Variants in CDKN2B-AS1 observed in about 807,000 individuals in gnomAD.
CDKN2B-AS1 encodes CDKN2B antisense RNA 1 (non-protein coding).
intron 1 of CDKN2B-AS1, among the ~76,000 whole-genome samples, chr9:22,010,825 A>C (rs1821460896): frequency 6.6e-6 from 1 of 152,200 alleles, no homozygotes; most frequent in South Asian, 2.1e-4. Context: ...CTTATCAGAA[A>C]AGTTAGGACA....
intron 4 of CDKN2B-AS1, among the ~76,000 whole-genome samples, chr9:22,126,801 T>C (rs1818030413): frequency 6.6e-6 from 1 of 152,178 alleles, no homozygotes; most frequent in Non-Finnish European, 1.5e-5. Flanking sequence ...CTGGATCTCC[T>C]GACCTCGTGA....
chr9:22,057,323 C>A (rs1823612426), intron 4 of CDKN2B-AS1, among the ~76,000 whole-genome samples: 1 of 152,024 alleles, frequency 6.6e-6, no homozygotes, highest in African/African-American at 2.4e-5. Flanking sequence ...ATTAGATACA[C>A]AAGTACATGT....
chr9:22,076,211 C>T (rs1176160476), intron 4 of CDKN2B-AS1, among the ~76,000 whole-genome samples: 3 of 152,022 alleles, frequency 2.0e-5, no homozygotes, highest in Non-Finnish European at 4.4e-5. Flanking sequence ...TGCCACCATG[C>T]CTATCTTAAT....
chr9:22,097,734 A>T (rs1825333097), intron 4 of CDKN2B-AS1, among the ~76,000 whole-genome samples: 1 of 152,228 alleles, frequency 6.6e-6, no homozygotes, highest in African/African-American at 2.4e-5. Context: ...AGCAGGTAGC[A>T]GGTAGTGCTA....
chr9:22,105,932 G>A (rs1023775042), intron 4 of CDKN2B-AS1, among the ~76,000 whole-genome samples: 1 of 152,132 alleles, frequency 6.6e-6, no homozygotes, highest in African/African-American at 2.4e-5. Flanking sequence ...AGTCAGTCTG[G>A]GAGACTCCAG....
chr9:22,116,796 G>A (rs1825961335), intron 4 of CDKN2B-AS1, among the ~76,000 whole-genome samples: 1 of 152,224 alleles, frequency 6.6e-6, no homozygotes, highest in African/African-American at 2.4e-5. Flanking sequence ...TCTAATGACA[G>A]TGAGATGTTA....
At chr9:22,070,203 A>T (rs1824233765) in intron 4 of CDKN2B-AS1, among the ~76,000 whole-genome samples, 1 of 152,190 alleles carries the variant, frequency 6.6e-6, no homozygotes, top group Non-Finnish European at 1.5e-5. Flanking sequence ...AGATGACAGA[A>T]CAGGAGTCAG....
chr9:22,078,936 A>G (rs1824593930), intron 4 of CDKN2B-AS1, among the ~76,000 whole-genome samples: 1 of 152,146 alleles, frequency 6.6e-6, no homozygotes, highest in African/African-American at 2.4e-5. Flanking sequence ...ACTAAACGGC[A>G]CTCACTTTTA....
Position 21,995,902 on chromosome 9 carries a change from T to C in CDKN2B-AS1, n.29+741T>C. ...TGGATCCGTCCTAAACCTCGCGGGC[T>C]GGACCCGCGGCCTGAGTGGGTGGGT... On this transcript the variant is annotated intron_variant and non_coding_transcript_variant, in intron 1 of 4. Coordinates refer to ENST00000650946, the Ensembl canonical transcript of CDKN2B-AS1. This position sits in a 1 kb window ranked among gnomAD's most constrained non-coding sequence, Gnocchi z 5.7. The C allele has an allele frequency of 6.6e-6, 1 of 152,566 alleles. No homozygotes were observed. The highest frequency in any genetic ancestry group is 1.5e-5 in the Non-Finnish European group (1 of 68,214). 9.5% of individuals were successfully genotyped at this position (152,566 alleles called of 1,614,324 possible).
At chr9:22,106,679 A>G (rs1173084424) in intron 4 of CDKN2B-AS1, among the ~76,000 whole-genome samples, 5 of 152,242 alleles carry the variant, frequency 3.3e-5, no homozygotes, top group Admixed American at 6.5e-5. Flanking sequence ...ATTATTGATG[A>G]ACCAGTAGTG....
At chr9:22,091,201 C>G (rs1401377084) in intron 4 of CDKN2B-AS1, among the ~76,000 whole-genome samples, 1 of 152,108 alleles carries the variant, frequency 6.6e-6, no homozygotes, top group Non-Finnish European at 1.5e-5. Context: ...TGTTTTGGTA[C>G]CAGTACCATG....
At chr9:22,029,796 T>C in intron 1 of CDKN2B-AS1, 1 of 292,582 alleles carries the variant, frequency 3.4e-6, no homozygotes, top group Non-Finnish European at 6.2e-6. Flanking sequence ...ATCACTAAGA[T>C]GTTAGTATTG....
chr9:22,054,762 T>G (rs1368470880), intron 3 of CDKN2B-AS1, among the ~76,000 whole-genome samples: 1 of 151,236 alleles, frequency 6.6e-6, no homozygotes, highest in African/African-American at 2.4e-5. Context: ...TTTTTATTTA[T>G]TTTACTTTAT....
chr9:22,096,204 A>G (rs1825270167), intron 4 of CDKN2B-AS1, among the ~76,000 whole-genome samples: 1 of 152,216 alleles, frequency 6.6e-6, no homozygotes, highest in Non-Finnish European at 1.5e-5. Context: ...GAATGTTGAG[A>G]GATGGAACTG....
At chr9:22,098,947 A>G (rs1825384183) in intron 4 of CDKN2B-AS1, among the ~76,000 whole-genome samples, 1 of 152,214 alleles carries the variant, frequency 6.6e-6, no homozygotes, top group African/African-American at 2.4e-5. Context: ...GTAATGCAAG[A>G]AAAATAAGAG....
At chr9:22,082,398 C>T (rs1824729947) in intron 4 of CDKN2B-AS1, among the ~76,000 whole-genome samples, 1 of 152,144 alleles carries the variant, frequency 6.6e-6, no homozygotes, top group Non-Finnish European at 1.5e-5. Context: ...AATGTTATTT[C>T]CTCCTTTTGT....
chr9:22,123,232 T>C lies in CDKN2B-AS1; in HGVS notation n.439-3871T>C, dbSNP rs72654299. Among the ~76,000 whole-genome samples the C allele has an allele frequency of 3.4e-3, 516 of 152,312 alleles. 1 individual carries two copies. The highest frequency in any genetic ancestry group is 0.014 in the Middle Eastern group (4 of 294). On this transcript the variant is annotated intron_variant and non_coding_transcript_variant, in intron 4 of 4. Transcript: ENST00000650946. ...TTCTGCAACTTTACAGAATTTGTTA[T>C]TAGCTCTGAGTTTTTTGGTAGAGTC... is the stretch of plus-strand genomic sequence containing the variant.
intron 4 of CDKN2B-AS1, among the ~76,000 whole-genome samples, chr9:22,108,628 C>G (rs1825722271): frequency 6.6e-6 from 1 of 152,142 alleles, no homozygotes; most frequent in African/African-American, 2.4e-5. Flanking sequence ...TAGAAAAATA[C>G]TTGGTGTACA....
At chr9:22,011,262 C>T (rs1486734664) in intron 1 of CDKN2B-AS1, among the ~76,000 whole-genome samples, 1 of 152,190 alleles carries the variant, frequency 6.6e-6, no homozygotes, top group African/African-American at 2.4e-5. Flanking sequence ...AAAAACCAAC[C>T]TGCTCAACCT....
Sources: gnomAD v4.1 joint callset for allele counts (sites outside exome capture counted in the v4.1 genomes callset) on GRCh38, gnomAD v4.1.1 for gene constraint, Gnocchi (gnomAD v3.1) non-coding constraint, MANE v1.5 for transcripts, NCBI Gene and HGNC (gene_info 2026-07-23, HGNC 2026-07-21) for gene names.